FAT4: variants seen among roughly 807,000 people sequenced by gnomAD.
FAT4 encodes protocadherin Fat 4.
A neutral mutation model predicts 303.9 loss-of-function variants in FAT4; 84 were observed. That is an observed-to-expected ratio of 0.28 (90% CI 0.23 to 0.33). The LOEUF (loss-of-function observed/expected upper bound fraction) is 0.33, where lower values mean the gene tolerates loss of function less well. Ranked by LOEUF, FAT4 falls within the 10% of genes least tolerant of loss-of-function variation. The pLI is 1.00. For synonymous variants in FAT4, 2,307 were observed against 2,298.8 expected, an observed-to-expected ratio of 1.00 and a Z score of -0.10; for missense variants, 6,005 against 6,146.8, an observed-to-expected ratio of 0.98 and a Z score of 0.77.
chr4:125,371,148 C>CAA (rs1197394937), intron 2 of FAT4, among the ~76,000 whole-genome samples: 2,162 of 97,722 alleles, frequency 0.022, 43 homozygotes, highest in Non-Finnish European at 0.034. Flanking sequence ...AACTCCATCT[C>CAA]AAAAAAAAAA....
Position 125,316,872 on chromosome 4 carries a change from T to G in FAT4, c.461T>G (p.Val154Gly). The G allele has an allele frequency of 6.2e-7, 1 of 1,614,020 alleles. No individual in the cohort carries two copies. The highest frequency in any genetic ancestry group is 8.5e-7 in the Non-Finnish European group (1 of 1,180,032). The change falls in exon 2 of 18, where the codon GTC becomes GGC. Residue 154 changes from valine to glycine, a missense_variant. Val to Gly is a moderately radical substitution (Grantham distance 109, BLOSUM62 -3). Transcript: ENST00000394329. The surrounding 1 kb of genome is among the most constrained non-coding windows in gnomAD (Gnocchi z 5.7). ...FKEDSSSGRQ[V>G]ILDTATDSDI... ...GAAGACAGTAGCAGCGGACGCCAAGTCATCTTAGACACCGCCACCGACTCG... is the reference window on the plus strand; with the variant it reads ...GAAGACAGTAGCAGCGGACGCCAAGGCATCTTAGACACCGCCACCGACTCG...
intron 2 of FAT4, among the ~76,000 whole-genome samples, chr4:125,390,726 C>A (rs1733946356): frequency 6.6e-6 from 1 of 152,120 alleles, no homozygotes; most frequent in African/African-American, 2.4e-5. Context: ...TTTACACGTG[C>A]CTTTCATGGT....
chr4:125,441,672 C>T (rs1197661463), intron 8 of FAT4, among the ~76,000 whole-genome samples: 1 of 152,174 alleles, frequency 6.6e-6, no homozygotes, highest in Non-Finnish European at 1.5e-5. Flanking sequence ...CTTGGCTCTG[C>T]TTTAACAATT....
chr4:125,320,264 A>G lies in FAT4; in HGVS notation c.3853A>G (p.Ile1285Val). Reference sequence around the variant, plus strand: ...AGCAACACCTGCCTATTCCCTTGTAATTCAAGCAGTGGATTCAGGGACAAT... The same window carrying G: ...AGCAACACCTGCCTATTCCCTTGTAGTTCAAGCAGTGGATTCAGGGACAAT... ...YEATPAYSLV[I>V]QAVDSGTIPL... is the part of the protein sequence containing the mutation. Residue 1285 changes from isoleucine (I) to valine (V), a missense_variant, in exon 2 of 18, where the codon ATT (isoleucine) becomes GTT (valine). By Grantham distance (29) the Ile-to-Val change is conservative (BLOSUM62 3). Coordinates refer to ENST00000394329, the MANE Select transcript of FAT4 (RefSeq NM_001291303.3). 1 of 1,614,170 alleles carries G rather than the reference A, an allele frequency of 6.2e-7. No individual in the cohort carries two copies. The highest frequency in any genetic ancestry group is 8.5e-7 in the Non-Finnish European group (1 of 1,180,022).
At chr4:125,337,037 C>T (rs545469510) in intron 2 of FAT4, among the ~76,000 whole-genome samples, 8 of 151,934 alleles carry the variant, frequency 5.3e-5, no homozygotes, top group South Asian at 2.1e-4. Context: ...TGTGGTAGAG[C>T]GCCATTTGAG....
rs192740575 is a variant in FAT4 at position 125,329,968 on chromosome 4, C to G, written c.5175+8382C>G. On this transcript the variant is annotated intron_variant, in intron 2 of 17. Transcript: ENST00000394329. ...CATTTCATGATAATTTCTCATCATG[C>G]TCACTGTTAGTAACTTGGTCTAAGA... 1.6e-3 allele frequency among the ~76,000 whole-genome samples: 241 copies of G among 152,294 alleles called. 1 individual carries two copies. Among genetic ancestry groups the G allele is most frequent in the Non-Finnish European group, 6.2e-4 (42 of 68,028 alleles).
At chr4:125,447,935 C>T (rs574679813) in intron 9 of FAT4, among the ~76,000 whole-genome samples, 1 of 151,816 alleles carries the variant, frequency 6.6e-6, no homozygotes, top group African/African-American at 2.4e-5. Flanking sequence ...TAATAGTTCA[C>T]GTATAAAGGA....
intron 2 of FAT4, among the ~76,000 whole-genome samples, chr4:125,379,765 T>G (rs938928089): frequency 1.3e-5 from 2 of 151,770 alleles, no homozygotes; most frequent in African/African-American, 4.8e-5. Flanking sequence ...TGGCCAGACA[T>G]TGATATTTAA....
chr4:125,483,010 C>G (rs915043089), intron 16 of FAT4, among the ~76,000 whole-genome samples: 33 of 152,122 alleles, frequency 2.2e-4, no homozygotes, highest in African/African-American at 8.0e-4. Context: ...GTACTTCTGG[C>G]GTCTAGCGGT....
At chr4:125,473,204 T>A (rs1167292661) in intron 12 of FAT4, among the ~76,000 whole-genome samples, 1 of 152,064 alleles carries the variant, frequency 6.6e-6, no homozygotes, top group South Asian at 2.1e-4. Context: ...CTTAAACAGG[T>A]GTTGGTCACC....
At chr4:125,388,429 T>G (rs1733847639) in intron 2 of FAT4, among the ~76,000 whole-genome samples, 1 of 152,164 alleles carries the variant, frequency 6.6e-6, no homozygotes, top group African/African-American at 2.4e-5. Flanking sequence ...TTAGTGGCAT[T>G]TTTTGTTTGT....
chr4:125,316,732 C>A lies in FAT4; in HGVS notation c.321C>A (p.Asn107Lys), dbSNP rs772612640. Residue 107 changes from asparagine (N) to lysine (K), a missense_variant, in exon 2 of 18, where the codon AAC (asparagine) becomes AAA (lysine). Physicochemically the swap from Asn to Lys is moderately conservative, Grantham distance 94. Coordinates refer to ENST00000394329, the MANE Select transcript of FAT4 (RefSeq NM_001291303.3). This position sits in a 1 kb window ranked among gnomAD's most constrained non-coding sequence, Gnocchi z 5.7. ...DRESLPSDVI[N>K]LVVLSSAPTY... is the part of the protein sequence containing the mutation. Reference sequence around the variant, plus strand: ...AGAGCCTGCCCAGCGACGTGATCAACCTGGTGGTCCTTTCCAGCGCGCCCA... The same window carrying A: ...AGAGCCTGCCCAGCGACGTGATCAAACTGGTGGTCCTTTCCAGCGCGCCCA... The A allele has an allele frequency of 5.6e-6, 9 of 1,613,926 alleles. No individual in the cohort carries two copies. The highest frequency in any genetic ancestry group is 1.3e-5 in the African/African-American group (1 of 74,928).
At chr4:125,482,864 A>G (rs902510832) in intron 16 of FAT4, among the ~76,000 whole-genome samples, 4 of 152,222 alleles carry the variant, frequency 2.6e-5, no homozygotes, top group Non-Finnish European at 4.4e-5. Flanking sequence ...AAGTAGTACA[A>G]AAACCAATAT....
intron 2 of FAT4, among the ~76,000 whole-genome samples, chr4:125,380,449 T>A (rs910695500): frequency 6.6e-6 from 1 of 152,196 alleles, no homozygotes; most frequent in Admixed American, 6.5e-5. Flanking sequence ...TGTAAAAATT[T>A]GCATAATGCT....
Position 125,321,378 on chromosome 4 carries a change from C to G in FAT4, c.4967C>G (p.Pro1656Arg). 6.2e-7 allele frequency: 1 copy of G among 1,613,918 alleles called. No individual in the cohort carries two copies. Among genetic ancestry groups the G allele is most frequent in the Admixed American group, 1.7e-5 (1 of 60,012 alleles). Residue 1656 changes from proline (P) to arginine (R), a missense_variant, in exon 2 of 18, where the codon CCC becomes CGC. By Grantham distance (103) the Pro-to-Arg change is moderately radical. Coordinates refer to ENST00000394329, the MANE Select transcript of FAT4 (RefSeq NM_001291303.3). Reference sequence around the variant, plus strand: ...GTGATATCAATAGAAGCAGCTAGCCCCAGAGGATCTGAGGCCCCAGTGGAG... The same window carrying G: ...GTGATATCAATAGAAGCAGCTAGCCGCAGAGGATCTGAGGCCCCAGTGGAG... ...TNVISIEAAS[P>R]RGSEAPVEYY...
chr4:125,322,907 T>C (rs1731011539), intron 2 of FAT4, among the ~76,000 whole-genome samples: 1 of 152,032 alleles, frequency 6.6e-6, no homozygotes, highest in Admixed American at 6.6e-5. Flanking sequence ...CTAAGCCAAA[T>C]AACCTCTTTT....
rs770640464 is a variant in FAT4 at position 125,452,354 on chromosome 4, G to C, written c.11344G>C (p.Ala3782Pro). 2 of 1,614,090 alleles carry C rather than the reference G, an allele frequency of 1.2e-6. No individual in the cohort carries two copies. The highest frequency in any genetic ancestry group is 1.7e-6 in the Non-Finnish European group (2 of 1,180,042). ...TCAGTATGTGAATCCCAGTGGCGTA[G>C]CCACCTTCTTTGAAAGCATCAAAGA... ...HNQYVNPSGVATFFESIKEIL... is the reference protein window; with the variant it reads ...HNQYVNPSGVPTFFESIKEIL... The change falls in exon 10 of 18, where the codon GCC becomes CCC. Residue 3782 changes from alanine to proline, a missense_variant. Ala to Pro is a conservative substitution (Grantham distance 27). Coordinates refer to ENST00000394329, the MANE Select transcript of FAT4 (RefSeq NM_001291303.3).
intron 10 of FAT4, among the ~76,000 whole-genome samples, chr4:125,459,131 A>T (rs2126067766): frequency 6.6e-6 from 1 of 152,102 alleles, no homozygotes; most frequent in Admixed American, 6.6e-5. Flanking sequence ...TAAAAATAAT[A>T]TTTATGGTAG....
In FAT4 at chr4:125,491,127, C is replaced by G; in HGVS notation, c.14311C>G (p.Arg4771Gly). ...MASHGSRPGS[R>G]LKQPIGQIPL... is the part of the protein sequence containing the mutation. ...ATCACATGGTTCTAGACCAGGGAGTCGCCTAAAGCAGCCGATTGGGCAGAT... is the reference window on the plus strand; with the variant it reads ...ATCACATGGTTCTAGACCAGGGAGTGGCCTAAAGCAGCCGATTGGGCAGAT... Residue 4771 changes from arginine (R) to glycine (G), a missense_variant, in exon 18 of 18, where the codon CGC (arginine) becomes GGC (glycine). By Grantham distance (125) the Arg-to-Gly change is moderately radical (BLOSUM62 -2). Transcript: ENST00000394329. 6.2e-7 allele frequency: 1 copy of G among 1,614,108 alleles called. No individual in the cohort carries two copies. Among genetic ancestry groups the G allele is most frequent in the Non-Finnish European group, 8.5e-7 (1 of 1,180,014 alleles).
Sources: allele counts gnomAD v4.1 joint callset (sites outside exome capture counted in the v4.1 genomes callset), GRCh38; gene constraint gnomAD v4.1.1; non-coding constraint Gnocchi (gnomAD v3.1); transcripts MANE v1.5; gene names NCBI Gene and HGNC (gene_info 2026-07-23, HGNC 2026-07-21).